The following SIRT1 variants were observed in gnomAD, a reference collection of about 807,000 sequenced individuals.
SIRT1 encodes the protein sirtuin 1, also known as NAD-dependent protein deacetylase sirtuin-1.
Under a neutral mutation model 67.9 loss-of-function variants are expected in SIRT1, and 24 were observed. The ratio of observed to expected loss-of-function variants is 0.35; its 90% confidence interval spans 0.26 to 0.50. SIRT1 has a LOEUF of 0.50. Among genes scored for constraint, SIRT1 ranks in the 20% least tolerant of loss-of-function variants. The pLI is 0.98. For missense variants in SIRT1, 873 were observed against 937.2 expected (o/e 0.93, Z 0.89); for synonymous variants, 378 against 350.7 (o/e 1.08, Z -0.87).
intron 7 of SIRT1, 102 bp downstream of exon 7, chr10:67,909,544 AAG>A (rs1842868684): frequency 1.1e-6 from 1 of 894,936 alleles, no homozygotes; most frequent in African/African-American, 1.7e-5. Context: ...TTCTGTTTGA[AAG>A]AGTGGTGAAG....
chr10:67,914,462 C>T (rs561655028), intron 8 of SIRT1, among the ~76,000 whole-genome samples: 36 of 152,212 alleles, frequency 2.4e-4, no homozygotes, highest in African/African-American at 7.9e-4. Context: ...AAAGAGCAGA[C>T]GTGTTCACAG....
At position 67,892,506 on chromosome 10, in the gene SIRT1, A is replaced by T. The variant is rs560094197; in HGVS notation, c.942+952A>T. Among the ~76,000 whole-genome samples, 159 of 152,310 alleles carry T rather than the reference A, an allele frequency of 1.0e-3. 1 individual carries two copies. Among genetic ancestry groups the T allele is most frequent in the Non-Finnish European group, 2.1e-3 (140 of 68,010 alleles). ...GAAGATCCCTTGAGCTCAGGAGCTCAAGACTGAGTGAACCATGATCTGCCA... is the reference window on the plus strand; with the variant it reads ...GAAGATCCCTTGAGCTCAGGAGCTCTAGACTGAGTGAACCATGATCTGCCA... On this transcript the variant is annotated intron_variant, in intron 4 of 8. Coordinates refer to ENST00000212015, the MANE Select transcript of SIRT1 (RefSeq NM_012238.5).
chr10:67,897,607 C>T (rs753178949), intron 4 of SIRT1, among the ~76,000 whole-genome samples: 10 of 151,842 alleles, frequency 6.6e-5, no homozygotes, highest in Non-Finnish European at 1.5e-4. Context: ...TGTGATTCAC[C>T]CACCTCTGCC....
chr10:67,893,920 C>T (rs968077854), intron 4 of SIRT1, among the ~76,000 whole-genome samples: 1 of 152,186 alleles, frequency 6.6e-6, no homozygotes, highest in Non-Finnish European at 1.5e-5. Flanking sequence ...TACATGACTA[C>T]AGGAGAAGCT....
chr10:67,908,259 G>T, intron 6 of SIRT1, 134 bp downstream of exon 6: 1 of 650,638 alleles, frequency 1.5e-6, no homozygotes, highest in Middle Eastern at 4.4e-4. Flanking sequence ...TAGCATTTGG[G>T]AATTTTGGTA....
chr10:67,898,476 A>G (rs1023756300), intron 4 of SIRT1, among the ~76,000 whole-genome samples: 10 of 152,160 alleles, frequency 6.6e-5, no homozygotes, highest in African/African-American at 2.4e-4. Context: ...TAATATGCAA[A>G]CATACCAGAT....
intron 5 of SIRT1, 58 bp from the exon 6 acceptor site, chr10:67,907,988 G>A (rs2131882140): frequency 1.5e-6 from 2 of 1,378,092 alleles, no homozygotes; most frequent in Admixed American, 1.8e-5. Context: ...CGTTTGTGGT[G>A]TGTTCAAGAA....
chr10:67,916,277 T>TGTTTTTGCCACCAAATCGTTAC lies in SIRT1; in HGVS notation c.1929_1950dup (p.Ile651ValfsTer13). On this transcript the variant is annotated frameshift_variant, in exon 9 of 9. Transcript: ENST00000212015. LOFTEE classifies it high-confidence loss of function. ...TACTGTATTTCAGGTAATCAGTATC[T>TGTTTTTGCCACCAAATCGTTAC]GTTTTTGCCACCAAATCGTTACATT... The TGTTTTTGCCACCAAATCGTTAC allele has an allele frequency of 6.3e-7, 1 of 1,597,904 alleles. No homozygotes were observed. The highest frequency in any genetic ancestry group is 8.6e-7 in the Non-Finnish European group (1 of 1,166,824).
intron 1 of SIRT1, chr10:67,885,498 AT>A: frequency 1.1e-6 from 1 of 871,936 alleles, no homozygotes; most frequent in South Asian, 5.7e-5. Flanking sequence ...CTTTTTCTTT[AT>A]TTTTTATTTT....
intron 5 of SIRT1, among the ~76,000 whole-genome samples, 167 bp downstream of exon 5, chr10:67,907,104 A>T (rs1456654713): frequency 1.3e-5 from 2 of 152,042 alleles, no homozygotes; most frequent in Non-Finnish European, 2.9e-5. Context: ...ATAAAAACAG[A>T]AGTATTGGCC....
chr10:67,884,749 C>T lies in SIRT1; in HGVS notation c.28C>T (p.Gln10Ter). The T allele has an allele frequency of 8.1e-7, 1 of 1,228,992 alleles. No homozygotes were observed. The highest frequency in any genetic ancestry group is 1.0e-6 in the Non-Finnish European group (1 of 986,156). 76.1% of individuals were successfully genotyped at this position (1,228,992 alleles called of 1,614,324 possible). A position where few individuals can be genotyped will look rare whatever the true frequency, so the allele number is the denominator to read the frequency against. Reference protein sequence around the residue: MADEAALALQPGGSPSAAGA... With the variant: MADEAALAL Reference sequence around the variant, plus strand: ...GGCGGACGAGGCGGCCCTCGCCCTTCAGCCCGGCGGCTCCCCCTCGGCGGC... The same window carrying T: ...GGCGGACGAGGCGGCCCTCGCCCTTTAGCCCGGCGGCTCCCCCTCGGCGGC... The change falls in exon 1 of 9, where the codon CAG (glutamine) becomes TAG (stop). Residue 10 changes from glutamine to a stop codon, truncating the protein, a stop_gained. Coordinates refer to ENST00000212015, the MANE Select transcript of SIRT1 (RefSeq NM_012238.5). LOFTEE classifies it high-confidence loss of function.
At position 67,909,284 on chromosome 10, in the gene SIRT1, C is replaced by T. The variant is rs755416990; in HGVS notation, c.1199C>T (p.Ala400Val). ...GTTCCTCGATGTCCTAGGTGCCCAG[C>T]TGATGAACCGCTTGCTATCATGAAA... ...QVVPRCPRCP[A>V]DEPLAIMKPE... Residue 400 changes from alanine to valine, a missense_variant, in exon 7 of 9, where the codon GCT becomes GTT. This residue lies in a region of SIRT1 where 251 missense variants were observed against 358.8 expected (regional missense o/e 0.70). Transcript: ENST00000212015. The T allele has an allele frequency of 6.2e-7, 1 of 1,610,130 alleles. No homozygotes were observed. Among genetic ancestry groups the T allele is most frequent in the Non-Finnish European group, 8.5e-7 (1 of 1,178,494 alleles).
At position 67,906,907 on chromosome 10, in the gene SIRT1, G is replaced by T. The variant is rs777323664; in HGVS notation, c.1060G>T (p.Ala354Ser). Reference protein sequence around the residue: ...TQNIDTLEQVAGIQRIIQCHG... With the variant: ...TQNIDTLEQVSGIQRIIQCHG... ...GAACATAGACACGCTGGAACAGGTT[G>T]CGGGAATCCAAAGGATAATTCAGTG... Residue 354 changes from alanine to serine, a missense_variant, in exon 5 of 9, where the codon GCG becomes TCG. Physicochemically the swap from Ala to Ser is moderately conservative, Grantham distance 99. This residue lies in a region of SIRT1 where 251 missense variants were observed against 358.8 expected (regional missense o/e 0.70). Transcript: ENST00000212015. 1.2e-6 allele frequency: 2 copies of T among 1,608,668 alleles called. No individual in the cohort carries two copies. Among genetic ancestry groups the T allele is most frequent in the Non-Finnish European group, 1.7e-6 (2 of 1,178,168 alleles).
chr10:67,909,694 C>A (rs1842870221), intron 7 of SIRT1, among the ~76,000 whole-genome samples: 1 of 152,028 alleles, frequency 6.6e-6, no homozygotes, highest in African/African-American at 2.4e-5. Context: ...TCTGCCTCAG[C>A]CTTCTGAGTA....
At chr10:67,890,820 G>A (rs1842559071) in intron 3 of SIRT1, among the ~76,000 whole-genome samples, 1 of 151,732 alleles carries the variant, frequency 6.6e-6, no homozygotes, top group Non-Finnish European at 1.5e-5. Context: ...CACGAGGTTA[G>A]GAGATCGAGA....
intron 7 of SIRT1, 120 bp from the exon 8 acceptor site, chr10:67,912,354 T>G (rs1589084490): frequency 1.2e-6 from 1 of 812,266 alleles, no homozygotes; most frequent in Admixed American, 2.8e-5. Flanking sequence ...AGTGCATGGG[T>G]CTTTTTTGGG....
At position 67,912,822 on chromosome 10, in the gene SIRT1, C is replaced by G; in HGVS notation, c.1706C>G (p.Ser569Cys). ...AAKSNDDLDV[S>C]ESKGCMEEKP... is the part of the protein sequence containing the mutation. ...AAGAGTAATGATGATTTAGATGTGT[C>G]TGAATCAAAAGGTTGTATGGAAGAA... The change falls in exon 8 of 9, where the codon TCT becomes TGT. Residue 569 changes from serine to cysteine, a missense_variant. Coordinates refer to ENST00000212015, the MANE Select transcript of SIRT1 (RefSeq NM_012238.5). 6.2e-7 allele frequency: 1 copy of G among 1,614,046 alleles called. No individual in the cohort carries two copies. The highest frequency in any genetic ancestry group is 8.5e-7 in the Non-Finnish European group (1 of 1,180,010).
intron 1 of SIRT1, 143 bp from the exon 2 acceptor site, chr10:67,887,274 C>T: frequency 1.7e-6 from 1 of 601,546 alleles, no homozygotes; most frequent in Non-Finnish European, 3.0e-6. Context: ...ATGAACAGTG[C>T]AAGCTGACCC....
At chr10:67,904,127 G>GTTT (rs1401398689) in intron 4 of SIRT1, among the ~76,000 whole-genome samples, 3 of 140,050 alleles carry the variant, frequency 2.1e-5, no homozygotes, top group Non-Finnish European at 1.5e-5. Flanking sequence ...TTTTTTGTTT[G>GTTT]TTTTTTTTTT....
Sources: allele counts gnomAD v4.1 joint callset (sites outside exome capture counted in the v4.1 genomes callset), GRCh38; gene constraint gnomAD v4.1.1; regional missense constraint gnomAD v4.1.1; transcripts MANE v1.5; gene names NCBI Gene and HGNC (gene_info 2026-07-23, HGNC 2026-07-21).